The following GRID2 variants were observed in gnomAD, a reference collection of about 807,000 sequenced individuals.
GRID2 encodes the protein glutamate receptor ionotropic, delta-2.
A neutral mutation model predicts 114.8 loss-of-function variants in GRID2; 33 were observed. The observed-to-expected ratio is 0.29, with a 90% CI of 0.22 to 0.38. The LOEUF (loss-of-function observed/expected upper bound fraction) is 0.38, where lower values mean the gene tolerates loss of function less well. Among genes scored for constraint, GRID2 ranks in the 10% least tolerant of loss-of-function variants. GRID2 has a pLI of 1.00. For synonymous variants in GRID2, 505 were observed against 449.9 expected (o/e 1.12, Z -1.55); for missense variants, 1,184 against 1,257.7 (o/e 0.94, Z 0.89).
chr4:93,315,587 C>T (rs747600479), intron 8 of GRID2, among the ~76,000 whole-genome samples: 4 of 152,088 alleles, frequency 2.6e-5, no homozygotes, highest in Admixed American at 6.6e-5. Context: ...ACCACCTCCA[C>T]CATGTAATCT....
chr4:93,280,388 T>C (rs1752528072), intron 8 of GRID2, among the ~76,000 whole-genome samples: 1 of 152,044 alleles, frequency 6.6e-6, no homozygotes, highest in African/African-American at 2.4e-5. Context: ...AAGTACTTTC[T>C]ATGTTACTTT....
At chr4:93,507,359 C>A (rs75904967) in intron 12 of GRID2, among the ~76,000 whole-genome samples, 3 of 152,132 alleles carry the variant, frequency 2.0e-5, no homozygotes, top group African/African-American at 4.8e-5. Context: ...TTGGCTACGC[C>A]GTAAATAGGA....
chr4:93,543,329 AT>A (rs1330486686), intron 13 of GRID2, among the ~76,000 whole-genome samples: 5 of 152,172 alleles, frequency 3.3e-5, no homozygotes, highest in Non-Finnish European at 5.9e-5. Context: ...TAATAAATAC[AT>A]TTTAAAAGCT....
At chr4:93,076,156 C>T (rs1729275290) in intron 2 of GRID2, among the ~76,000 whole-genome samples, 1 of 151,992 alleles carries the variant, frequency 6.6e-6, no homozygotes, top group Admixed American at 6.5e-5. Context: ...CCTCAGCCTC[C>T]CAAAGTGCTG....
chr4:92,989,938 A>C (rs967768033), intron 2 of GRID2, among the ~76,000 whole-genome samples: 3 of 152,204 alleles, frequency 2.0e-5, no homozygotes, highest in Non-Finnish European at 2.9e-5. Context: ...CACTTTATTA[A>C]GAACTAGGCA....
intron 2 of GRID2, among the ~76,000 whole-genome samples, chr4:92,859,218 C>T (rs1253767323): frequency 6.6e-6 from 1 of 152,156 alleles, no homozygotes; most frequent in Non-Finnish European, 1.5e-5. Flanking sequence ...AGATAAAATC[C>T]TACACCAGCA....
chr4:92,807,993 G>A (rs1310442408), intron 2 of GRID2, among the ~76,000 whole-genome samples: 7 of 151,896 alleles, frequency 4.6e-5, no homozygotes, highest in Non-Finnish European at 1.0e-4. Context: ...ATTAAATTGA[G>A]GATTTTGAAA....
chr4:92,842,479 A>C (rs1050197015), intron 2 of GRID2, among the ~76,000 whole-genome samples: 11 of 152,166 alleles, frequency 7.2e-5, no homozygotes, highest in African/African-American at 2.7e-4. Context: ...GAAAAGGGAA[A>C]GTTTATATTT....
At chr4:93,679,199 A>G (rs541409874) in intron 14 of GRID2, among the ~76,000 whole-genome samples, 4 of 151,360 alleles carry the variant, frequency 2.6e-5, no homozygotes, top group African/African-American at 4.9e-5. Context: ...GCATAATGGT[A>G]AAGGGATCAA....
At chr4:92,685,795 CTGA>C (rs1733870278) in intron 2 of GRID2, among the ~76,000 whole-genome samples, 2 of 151,972 alleles carry the variant, frequency 1.3e-5, no homozygotes. Context: ...TTCTATCATC[CTGA>C]TTTAGGCAGT....
intron 2 of GRID2, among the ~76,000 whole-genome samples, chr4:92,689,555 G>A (rs1402553110): frequency 1.3e-5 from 2 of 152,190 alleles, no homozygotes; most frequent in Non-Finnish European, 2.9e-5. Context: ...ATAAAAGTTT[G>A]AATCCTGTTG....
At chr4:93,561,445 A>G (rs1734917550) in intron 13 of GRID2, among the ~76,000 whole-genome samples, 1 of 152,186 alleles carries the variant, frequency 6.6e-6, no homozygotes, top group Non-Finnish European at 1.5e-5. Flanking sequence ...TCCGTATACC[A>G]TTTGCCCCTA....
chr4:93,653,722 T>A (rs1722778222), intron 14 of GRID2, among the ~76,000 whole-genome samples: 3 of 152,106 alleles, frequency 2.0e-5, no homozygotes, highest in Admixed American at 1.3e-4. Flanking sequence ...GTCAATCTCT[T>A]TGTCTCAACA....
intron 8 of GRID2, among the ~76,000 whole-genome samples, chr4:93,394,181 A>C (rs777547918): frequency 6.6e-6 from 1 of 152,028 alleles, no homozygotes; most frequent in Non-Finnish European, 1.5e-5. Context: ...AAATATGGCA[A>C]GAGGACCACA....
chr4:92,980,396 TATATC>T (rs1241691158), intron 2 of GRID2, among the ~76,000 whole-genome samples: 12 of 152,226 alleles, frequency 7.9e-5, no homozygotes, highest in South Asian at 2.1e-4. Flanking sequence ...ATAATTGTGA[TATATC>T]ATATAGATCA....
At chr4:93,190,276 C>T (rs1740858757) in intron 4 of GRID2, among the ~76,000 whole-genome samples, 1 of 151,972 alleles carries the variant, frequency 6.6e-6, no homozygotes, top group Admixed American at 6.6e-5. Flanking sequence ...ATATAGATTT[C>T]TATATTTTAT....
intron 2 of GRID2, among the ~76,000 whole-genome samples, chr4:92,633,396 C>T (rs1730906354): frequency 6.6e-6 from 1 of 151,934 alleles, no homozygotes; most frequent in South Asian, 2.1e-4. Flanking sequence ...TCCTGGGAGA[C>T]ACAACAAAGG....
intron 2 of GRID2, among the ~76,000 whole-genome samples, chr4:92,806,654 T>C (rs1284982510): frequency 2.6e-5 from 4 of 151,910 alleles, no homozygotes; most frequent in African/African-American, 9.7e-5. Flanking sequence ...ATCTAAGATA[T>C]TAATAATTAT....
chr4:92,777,431 A>G (rs953418520), intron 2 of GRID2, among the ~76,000 whole-genome samples: 1 of 151,936 alleles, frequency 6.6e-6, no homozygotes, highest in Non-Finnish European at 1.5e-5. Context: ...TAAAAATTGT[A>G]TTTCTCCATA....
Sources: allele counts gnomAD v4.1 joint callset (sites outside exome capture counted in the v4.1 genomes callset), GRCh38; gene constraint gnomAD v4.1.1; transcripts MANE v1.5; gene names NCBI Gene and HGNC (gene_info 2026-07-23, HGNC 2026-07-21).